Variants in DOCK1 observed in about 807,000 individuals in gnomAD.
DOCK1 encodes dedicator of cytokinesis protein 1.
DOCK1 carries 138 observed loss-of-function variants against 262.7 expected under a neutral mutation model. That is an observed-to-expected ratio of 0.53 (90% CI 0.46 to 0.61). DOCK1 has a LOEUF of 0.61. Among genes scored for constraint, DOCK1 ranks in the 20% least tolerant of loss-of-function variants. DOCK1 has a pLI of 0.00. For missense variants in DOCK1, 1,908 were observed against 2,370.7 expected, an observed-to-expected ratio of 0.80 and a Z score of 4.05; for synonymous variants, 866 against 867.4, an observed-to-expected ratio of 1.00 and a Z score of 0.03.
intron 27 of DOCK1, among the ~76,000 whole-genome samples, chr10:127,130,209 G>A (rs748026865): frequency 3.3e-5 from 5 of 151,536 alleles, no homozygotes; most frequent in Non-Finnish European, 5.9e-5. Context: ...TCGGACTCCC[G>A]AGAAGCTGGG....
chr10:127,105,324 A>C (rs1564806570), intron 23 of DOCK1, among the ~76,000 whole-genome samples: 1 of 152,194 alleles, frequency 6.6e-6, no homozygotes, highest in Non-Finnish European at 1.5e-5. Context: ...TTAAAGATCA[A>C]ATATACAAGG....
At chr10:127,402,938 A>T in intron 38 of DOCK1, 117 bp from the exon 39 acceptor site, 1 of 973,408 alleles carries the variant, frequency 1.0e-6, no homozygotes, top group Non-Finnish European at 1.5e-6. Flanking sequence ...TTATTCCCAT[A>T]ATGTTTCATT....
chr10:127,093,239 C>CTTTCTTTCTTTCTTTCTTTCTTTCTTTCT (rs372397425), intron 23 of DOCK1, among the ~76,000 whole-genome samples: 2 of 94,262 alleles, frequency 2.1e-5, no homozygotes, highest in African/African-American at 9.7e-5. Context: ...TTCTTTCTTT[C>CTTTCTTTCTTTCTTTCTTTCTTTCTTTCT]TTCTTTTTTT....
At chr10:127,354,377 A>G (rs1415789306) in intron 31 of DOCK1, among the ~76,000 whole-genome samples, 2 of 152,238 alleles carry the variant, frequency 1.3e-5, no homozygotes, top group Non-Finnish European at 2.9e-5. Context: ...CCTTGGGCCC[A>G]GGAGCCAAGA....
intron 13 of DOCK1, among the ~76,000 whole-genome samples, chr10:127,019,380 C>T (rs1475365380): frequency 2.0e-5 from 3 of 152,200 alleles, no homozygotes; most frequent in African/African-American, 7.2e-5. Flanking sequence ...CTGATTTGAT[C>T]ATCAAGAGAT....
In DOCK1 at chr10:127,427,232, G is replaced by A. The variant is rs943108697; in HGVS notation, c.4914+1221G>A. On this transcript the variant is annotated intron_variant, in intron 47 of 51. Coordinates refer to ENST00000623213, the MANE Select transcript of DOCK1 (RefSeq NM_001290223.2). The stretch of plus-strand genomic sequence containing the variant: ...TTCAACTCCCCGGCAAAAGGAAGGC[G>A]AGCTGTGGGAAGTCGCGCTGCTTCT... Among the ~76,000 whole-genome samples the A allele has an allele frequency of 2.6e-5, 4 of 152,220 alleles. 1 individual carries two copies. The South Asian group carries it at 8.3e-4, about 31-fold the overall frequency.
In DOCK1 at chr10:127,342,675, T is replaced by A. The variant is rs554800833; in HGVS notation, c.3124-971T>A. Among the ~76,000 whole-genome samples the A allele has an allele frequency of 2.1e-4, 32 of 152,358 alleles. No homozygotes were observed. The East Asian group carries it at 6.0e-3, about 29-fold the overall frequency. On this transcript the variant is annotated intron_variant, in intron 30 of 51. Transcript: ENST00000623213. ...TTCACACTTTATTTTTATAGAACTC[T>A]TTGCAGCTATCTCCTTTGATATAAT... is the stretch of plus-strand genomic sequence containing the variant.
At chr10:127,406,677 T>C (rs540106544) in intron 40 of DOCK1, among the ~76,000 whole-genome samples, 1 of 152,356 alleles carries the variant, frequency 6.6e-6, no homozygotes, top group African/African-American at 2.4e-5. Flanking sequence ...ATGTTGATAT[T>C]TATAGACCTT....
chr10:127,022,240 C>T (rs1471704921), intron 13 of DOCK1, among the ~76,000 whole-genome samples: 2 of 152,010 alleles, frequency 1.3e-5, no homozygotes, highest in Admixed American at 1.3e-4. Context: ...AGCTGCCTGC[C>T]AGAAGGGAAG....
At chr10:127,113,104 G>A (rs1418295655) in intron 25 of DOCK1, among the ~76,000 whole-genome samples, 1 of 152,126 alleles carries the variant, frequency 6.6e-6, no homozygotes, top group Non-Finnish European at 1.5e-5. Context: ...TTTCTGATGA[G>A]ACATGTTGAA....
intron 23 of DOCK1, among the ~76,000 whole-genome samples, chr10:127,090,332 G>A (rs1450250538): frequency 3.3e-5 from 5 of 152,100 alleles, no homozygotes; most frequent in African/African-American, 9.7e-5. Flanking sequence ...GTCGGTCGCC[G>A]CTGGAGACCA....
chr10:127,415,589 C>CT, intron 44 of DOCK1, among the ~76,000 whole-genome samples: 1 of 152,188 alleles, frequency 6.6e-6, no homozygotes, highest in Non-Finnish European at 1.5e-5. Flanking sequence ...TCTACATAAA[C>CT]TTTTTTAAAG....
chr10:126,970,754 A>T lies in DOCK1; in HGVS notation c.99A>T (p.Gly33=). 6.2e-7 allele frequency: 1 copy of T among 1,613,710 alleles called. No individual in the cohort carries two copies. The highest frequency in any genetic ancestry group is 8.5e-7 in the Non-Finnish European group (1 of 1,179,674). ...CGGATGAACTTTCTTTACAGATCGG[A>T]GACACTGTGCACATCTTAGAAACAT... is the stretch of plus-strand genomic sequence containing the variant. ...RGADELSLQI[G]DTVHILETYE... is the part of the protein sequence containing the mutation. Residue 33 remains glycine (G), a synonymous_variant, in exon 2 of 52, where the codon GGA becomes GGT. Coordinates refer to ENST00000623213, the MANE Select transcript of DOCK1 (RefSeq NM_001290223.2).
Position 127,451,513 on chromosome 10 carries a change from C to A in DOCK1, c.*86C>A. 1 of 1,539,710 alleles carries A rather than the reference C, an allele frequency of 6.5e-7. No individual in the cohort carries two copies. Among genetic ancestry groups the A allele is most frequent in the South Asian group, 1.2e-5 (1 of 83,648 alleles). On this transcript the variant is annotated 3_prime_UTR_variant, in exon 52 of 52. Transcript: ENST00000623213. ...TGTGTCCCCTGAGTCTGCTGTTTACCTCATTGGGCCTGTGATGTTAACATT... is the reference window on the plus strand; with the variant it reads ...TGTGTCCCCTGAGTCTGCTGTTTACATCATTGGGCCTGTGATGTTAACATT...
At chr10:127,169,890 G>A (rs935962988) in intron 27 of DOCK1, among the ~76,000 whole-genome samples, 5 of 152,028 alleles carry the variant, frequency 3.3e-5, no homozygotes, top group Non-Finnish European at 5.9e-5. Context: ...ACCACACTTC[G>A]TCTGTATTAA....
chr10:127,222,937 C>T (rs1327812401), intron 27 of DOCK1, among the ~76,000 whole-genome samples: 4 of 152,152 alleles, frequency 2.6e-5, no homozygotes, highest in Admixed American at 1.3e-4. Flanking sequence ...TTAGCTTCCC[C>T]AAATTCTGAG....
At chr10:127,266,096 G>A (rs2060344092) in intron 29 of DOCK1, among the ~76,000 whole-genome samples, 1 of 152,248 alleles carries the variant, frequency 6.6e-6, no homozygotes, top group Admixed American at 6.5e-5. Context: ...TGGCACCAGT[G>A]GCAACCTGTG....
chr10:127,072,332 G>A (rs1369865811), intron 23 of DOCK1, among the ~76,000 whole-genome samples: 4 of 152,192 alleles, frequency 2.6e-5, no homozygotes, highest in Admixed American at 6.5e-5. Context: ...ACACAGATAC[G>A]CTCTGTATTC....
rs1259945304 is a variant in DOCK1, at chr10:127,263,478, G to GTTATAGC, written c.3044+6049_3044+6050insTTATAGC. Among the ~76,000 whole-genome samples, 5 of 152,254 alleles carry GTTATAGC rather than the reference G, an allele frequency of 3.3e-5. No homozygotes were observed. The East Asian group carries it at 9.6e-4, about 29-fold the overall frequency. ...GATGGGAACTGATAGGCGATGGCCTGACATTATAGCTGTGCTCTAGGATAT... is the reference window on the plus strand; with the variant it reads ...GATGGGAACTGATAGGCGATGGCCTGTTATAGCACATTATAGCTGTGCTCTAGGATAT... On this transcript the variant is annotated intron_variant, in intron 29 of 51. Coordinates refer to ENST00000623213, the MANE Select transcript of DOCK1 (RefSeq NM_001290223.2).
Sources: gnomAD v4.1 joint callset for allele counts (sites outside exome capture counted in the v4.1 genomes callset) on GRCh38, gnomAD v4.1.1 for gene constraint, MANE v1.5 for transcripts, NCBI Gene and HGNC (gene_info 2026-07-23, HGNC 2026-07-21) for gene names.